ARHGAP32: variants seen among roughly 807,000 people sequenced by gnomAD.
The protein encoded by ARHGAP32 is rho GTPase-activating protein 32.
Under a neutral mutation model 186.5 loss-of-function variants are expected in ARHGAP32, and 51 were observed. The ratio of observed to expected loss-of-function variants is 0.27; its 90% CI spans 0.22 to 0.35. The LOEUF (loss-of-function observed/expected upper bound fraction) is 0.35. Among genes scored for constraint, ARHGAP32 ranks in the 10% least tolerant of loss-of-function variants. ARHGAP32 has a pLI of 1.00. For missense variants in ARHGAP32, 2,186 were observed against 2,623.5 expected (o/e 0.83, Z 3.64); for synonymous variants, 950 against 964.3 (o/e 0.99, Z 0.27).
At chr11:129,071,005 C>T (rs1940849646) in intron 6 of ARHGAP32, among the ~76,000 whole-genome samples, 9 of 151,940 alleles carry the variant, frequency 5.9e-5, no homozygotes, top group Admixed American at 5.9e-4. Context: ...CATCAAACTA[C>T]AGTATAATTG....
intron 1 of ARHGAP32, among the ~76,000 whole-genome samples, chr11:129,173,502 A>C (rs369084224): frequency 3.6e-4 from 55 of 152,254 alleles, no homozygotes; most frequent in African/African-American, 1.2e-3. Flanking sequence ...CAAAACCAGA[A>C]AGAAACACAA....
In ARHGAP32 at chr11:129,042,336, G is replaced by C. The variant is rs570190048; in HGVS notation, c.964-1327C>G. ...TGGCTAATTTTGTTTATTTTGTGTA[G>C]AGATGAGGTATCATTATCAGACTAT... is the stretch of plus-strand genomic sequence containing the variant. On this transcript the variant is annotated intron_variant, in intron 10 of 22. Transcript: ENST00000682385. 5.3e-5 allele frequency among the ~76,000 whole-genome samples: 8 copies of C among 152,242 alleles called. No homozygotes were observed. The East Asian group carries it at 7.7e-4, about 15-fold the overall frequency.
chr11:128,972,653 C>T lies in ARHGAP32; in HGVS notation c.3853G>A (p.Ala1285Thr). The T allele has an allele frequency of 6.2e-7, 1 of 1,613,640 alleles. No individual in the cohort carries two copies. The highest frequency in any genetic ancestry group is 8.5e-7 in the Non-Finnish European group (1 of 1,179,768). The stretch of plus-strand genomic sequence containing the variant: ...CTGGCTTCCTTGGTGCTCATTTGGG[C>T]TGTTGCTGGAGTAGTTGTCATGTAA... The part of the protein sequence containing the change: ...MTYMTTTPAT[A>T]QMSTKEASWD... The change falls in exon 22 of 23, where the codon GCC becomes ACC. Residue 1285 changes from alanine (A) to threonine (T), a missense_variant. Physicochemically the swap from Ala to Thr is moderately conservative, Grantham distance 58. Coordinates refer to ENST00000682385, the MANE Select transcript of ARHGAP32 (RefSeq NM_001378024.1).
chr11:129,265,703 T>C (rs1376417894), intron 1 of ARHGAP32, among the ~76,000 whole-genome samples: 1 of 152,098 alleles, frequency 6.6e-6, no homozygotes, highest in African/African-American at 2.4e-5. Flanking sequence ...AAGTAGGCAT[T>C]AGATAAAAAA....
intron 11 of ARHGAP32, among the ~76,000 whole-genome samples, chr11:129,037,198 T>A (rs1939379768): frequency 6.6e-6 from 1 of 152,282 alleles, no homozygotes; most frequent in Admixed American, 6.5e-5. Flanking sequence ...TGAAATAAAT[T>A]AAAGAATGTC....
At chr11:129,149,394 G>T (rs2135448636) in intron 2 of ARHGAP32, among the ~76,000 whole-genome samples, 1 of 152,248 alleles carries the variant, frequency 6.6e-6, no homozygotes, top group South Asian at 2.1e-4. Context: ...TCACTCCCCT[G>T]CCACCTCCAT....
At chr11:129,279,218 G>A (rs1418336948) in exon 1 of ARHGAP32, 1 of 123,094 alleles carries the variant, frequency 8.1e-6, no homozygotes, top group African/African-American at 3.1e-5. Flanking sequence ...TGCCCTCCGC[G>A]GGCCGGGCCC....
chr11:129,196,723 A>G (rs1220645176), upstream of ARHGAP32, among the ~76,000 whole-genome samples: 1 of 152,142 alleles, frequency 6.6e-6, no homozygotes, highest in Non-Finnish European at 1.5e-5. Context: ...ACTTAGCATC[A>G]TAATTTCTCC....
intron 1 of ARHGAP32, among the ~76,000 whole-genome samples, chr11:129,239,995 GCA>G (rs1944993246): frequency 6.6e-6 from 1 of 152,086 alleles, no homozygotes; most frequent in African/African-American, 2.4e-5. Context: ...CACAGCAACT[GCA>G]CAGTTACTAT....
intron 1 of ARHGAP32, among the ~76,000 whole-genome samples, chr11:129,205,299 T>C (rs1340195855): frequency 1.3e-5 from 2 of 152,156 alleles, no homozygotes; most frequent in African/African-American, 4.8e-5. Context: ...TGTTTTTAAG[T>C]GTCAACTGAG....
chr11:129,086,227 T>C (rs1941389828), intron 6 of ARHGAP32, among the ~76,000 whole-genome samples: 2 of 152,068 alleles, frequency 1.3e-5, no homozygotes, highest in Admixed American at 1.3e-4. Context: ...GACATCCACA[T>C]GCAACAAGAA....
At chr11:129,225,983 A>G (rs1944776123) in intron 1 of ARHGAP32, among the ~76,000 whole-genome samples, 1 of 152,214 alleles carries the variant, frequency 6.6e-6, no homozygotes, top group African/African-American at 2.4e-5. Context: ...ATTCACTAGA[A>G]GGGCTCAACA....
chr11:129,051,228 A>T (rs1940028398), intron 10 of ARHGAP32, among the ~76,000 whole-genome samples: 1 of 152,214 alleles, frequency 6.6e-6, no homozygotes, highest in African/African-American at 2.4e-5. Flanking sequence ...ACTGTCTTCC[A>T]TAATGGTTGA....
chr11:129,183,052 G>C (rs1449810146), intron 1 of ARHGAP32, among the ~76,000 whole-genome samples: 1 of 152,094 alleles, frequency 6.6e-6, no homozygotes, highest in East Asian at 1.9e-4. Context: ...TTCCACAGGT[G>C]AATATTCAGT....
At chr11:129,215,155 G>A (rs1480630499) in intron 1 of ARHGAP32, among the ~76,000 whole-genome samples, 3 of 152,006 alleles carry the variant, frequency 2.0e-5, no homozygotes, top group Non-Finnish European at 2.9e-5. Flanking sequence ...ACAACCACAG[G>A]GTGACCACAA....
At chr11:129,270,190 AGAAAT>A (rs1466532371) in intron 1 of ARHGAP32, among the ~76,000 whole-genome samples, 2 of 152,240 alleles carry the variant, frequency 1.3e-5, no homozygotes, top group Admixed American at 1.3e-4. Flanking sequence ...GCAATAAAAA[AGAAAT>A]GAACAATCAA....
In ARHGAP32 at chr11:128,973,274, T is replaced by A; in HGVS notation, c.3232A>T (p.Thr1078Ser). The change falls in exon 22 of 23, where the codon ACC becomes TCC. Residue 1078 changes from threonine to serine, a missense_variant. Coordinates refer to ENST00000682385, the MANE Select transcript of ARHGAP32 (RefSeq NM_001378024.1). ...ASTQSLKRPG[T>S]SQAGYTNYGD... ...TAATTTGTATACCCAGCCTGAGAGGTCCCTGGTCTCTTCAATGACTGAGTT... is the reference window on the plus strand; with the variant it reads ...TAATTTGTATACCCAGCCTGAGAGGACCCTGGTCTCTTCAATGACTGAGTT... 3 of 1,613,852 alleles carry A rather than the reference T, an allele frequency of 1.9e-6. No individual in the cohort carries two copies. The South Asian group carries it at 3.3e-5, about 18-fold the overall frequency.
chr11:129,092,120 G>T (rs956168447), intron 6 of ARHGAP32, among the ~76,000 whole-genome samples: 4 of 151,876 alleles, frequency 2.6e-5, no homozygotes, highest in African/African-American at 7.2e-5. Flanking sequence ...ATCTATCTAG[G>T]TCACTAATAC....
chr11:129,203,051 C>A (rs373958164), intron 1 of ARHGAP32: 1 of 152,210 alleles, frequency 6.6e-6, no homozygotes, highest in African/African-American at 2.4e-5. Context: ...TTCAAGTAGT[C>A]AGAGGCTAGA....
Sources: allele counts gnomAD v4.1 joint callset (sites outside exome capture counted in the v4.1 genomes callset), GRCh38; gene constraint gnomAD v4.1.1; transcripts MANE v1.5; gene names NCBI Gene and HGNC (gene_info 2026-07-23, HGNC 2026-07-21).